The following TRMT44 variants were observed in gnomAD, a reference collection of about 807,000 sequenced individuals.
The protein encoded by TRMT44 is probable tRNA (uracil-O(2)-)-methyltransferase.
Under a neutral mutation model 77.3 loss-of-function variants are expected in TRMT44, and 78 were observed. The observed-to-expected ratio is 1.01, with a 90% confidence interval of 0.84 to 1.22. The LOEUF is 1.22. Ranked by LOEUF, TRMT44 falls within the 50% of genes most tolerant of loss-of-function variation. The pLI is 0.00. For missense variants in TRMT44, 1,090 were observed against 964.4 expected, an observed-to-expected ratio of 1.13 and a Z score of -1.73; for synonymous variants, 391 against 383.3, an observed-to-expected ratio of 1.02 and a Z score of -0.23.
intron 6 of TRMT44, among the ~76,000 whole-genome samples, chr4:8,455,954 TATGTCCTGA>T (rs1191881557): frequency 6.6e-6 from 1 of 152,216 alleles, no homozygotes; most frequent in Non-Finnish European, 1.5e-5. Context: ...AAAAGTTAGA[TATGTCCTGA>T]ATGCATTAAA....
At chr4:8,505,757 G>A in the TRMT44 span, among the ~76,000 whole-genome samples, 1 of 152,224 alleles carries the variant, frequency 6.6e-6, no homozygotes, top group Admixed American at 6.5e-5. Flanking sequence ...TAATCTGCAG[G>A]TGTTGAGGGA....
chr4:8,487,599 A>C (rs1024375593), intron 2 of TRMT44, among the ~76,000 whole-genome samples: 1 of 151,936 alleles, frequency 6.6e-6, no homozygotes, highest in African/African-American at 2.4e-5. Context: ...CATGGAAATA[A>C]GGGATTGGGG....
chr4:8,468,053 G>C lies in TRMT44; in HGVS notation c.1634G>C (p.Trp545Ser). Residue 545 changes from tryptophan to serine, a missense_variant, in exon 9 of 11, where the codon TGG (tryptophan) becomes TCG (serine). Transcript: ENST00000389737. ...TGGGAGCTTTCCCCTTCTCCACGCT[G>C]GGTTGCTGCTGGCAGTGCTGGTCAC... ...PGWELSPSPR[W>S]VAAGSAGHCD... 2 of 1,613,988 alleles carry C rather than the reference G, an allele frequency of 1.2e-6. No homozygotes were observed. Among genetic ancestry groups the C allele is most frequent in the African/African-American group, 2.7e-5 (2 of 75,062 alleles).
At chr4:8,445,760 C>CT (rs1391929945) in intron 1 of TRMT44, among the ~76,000 whole-genome samples, 1 of 152,212 alleles carries the variant, frequency 6.6e-6, no homozygotes, top group Non-Finnish European at 1.5e-5. Flanking sequence ...AGGTCTTGTT[C>CT]TTTCATCTGC....
At position 8,468,418 on chromosome 4, in the gene TRMT44, A is replaced by T. The variant is rs577491498; in HGVS notation, c.1927+72A>T. The T allele has an allele frequency of 1.3e-5, 19 of 1,463,466 alleles. No homozygotes were observed. In the East Asian group the frequency reaches 4.1e-4, roughly 31 times the overall value. 90.7% of individuals were successfully genotyped at this position (1,463,466 alleles called of 1,614,324 possible). On this transcript the variant is annotated intron_variant, in intron 9 of 10. Transcript: ENST00000389737. The stretch of plus-strand genomic sequence containing the variant: ...TGAGGGCAGGAATTCACGTCTTCAG[A>T]ACCGACATGAAATGGTGTGGCCCTG...
the TRMT44 span, among the ~76,000 whole-genome samples, chr4:8,506,123 T>C: frequency 6.6e-6 from 1 of 152,204 alleles, no homozygotes; most frequent in African/African-American, 2.4e-5. Flanking sequence ...GTGCTCCTGA[T>C]GAGGACATGG....
intron 6 of TRMT44, among the ~76,000 whole-genome samples, chr4:8,457,879 A>G (rs916893352): frequency 2.0e-5 from 3 of 152,226 alleles, no homozygotes; most frequent in African/African-American, 7.2e-5. Context: ...AAATCATGAA[A>G]GAGACTGTGG....
At chr4:8,497,964 G>A (rs62287436), downstream of TRMT44, among the ~76,000 whole-genome samples, 4,121 of 152,272 alleles carry the variant, frequency 0.027, 69 homozygotes, top group South Asian at 0.04. Flanking sequence ...AGCAGGAGCT[G>A]TGCCCTCTGC....
Position 8,440,948 on chromosome 4 carries a change from C to G in TRMT44, c.126C>G (p.Arg42=). The change falls in exon 1 of 11, where the codon CGC becomes CGG. Residue 42 remains arginine, a synonymous_variant. Transcript: ENST00000389737. ...CAAACAAACGGCTTTGCGGCGCCCGCCTGGAGGCCCGCTGGAGCGCCGCCC... is the reference window on the plus strand; with the variant it reads ...CAAACAAACGGCTTTGCGGCGCCCGGCTGGAGGCCCGCTGGAGCGCCGCCC... ...QVANKRLCGA[R]LEARWSAALP... is the part of the protein sequence containing the mutation. The G allele has an allele frequency of 6.5e-7, 1 of 1,529,414 alleles. No homozygotes were observed. Among genetic ancestry groups the G allele is most frequent in the South Asian group, 1.2e-5 (1 of 83,158 alleles). 94.7% of individuals were successfully genotyped at this position (1,529,414 alleles called of 1,614,324 possible).
In TRMT44 at chr4:8,470,898, G is replaced by A; in HGVS notation, c.1928-186G>A. On this transcript the variant is annotated intron_variant, in intron 9 of 10. Coordinates refer to ENST00000389737, the MANE Select transcript of TRMT44 (RefSeq NM_152544.3). ...CAGGCTGTGCCACCTTAGCTGGGTG[G>A]GGACGCCACGGCCCTCACGGTTTGG... The A allele has an allele frequency of 5.7e-6, 3 of 528,846 alleles. No individual in the cohort carries two copies. In the South Asian group the frequency reaches 7.9e-5, roughly 14 times the overall value. The allele number at this position is 528,846 out of a possible 1,614,324, so 32.8% of individuals were successfully genotyped here.
At chr4:8,479,719 G>T (rs935904054), downstream of TRMT44, among the ~76,000 whole-genome samples, 1 of 151,982 alleles carries the variant, frequency 6.6e-6, no homozygotes. Flanking sequence ...AACACACTTA[G>T]GCCACACTCA....
the TRMT44 span, among the ~76,000 whole-genome samples, chr4:8,506,659 G>T: frequency 7.2e-5 from 11 of 152,358 alleles, no homozygotes; most frequent in South Asian, 2.1e-3. Context: ...AGTGCTACGT[G>T]TGCACTTCTC....
chr4:8,502,196 A>G, the TRMT44 span, among the ~76,000 whole-genome samples: 1 of 152,236 alleles, frequency 6.6e-6, no homozygotes, highest in Non-Finnish European at 1.5e-5. Flanking sequence ...ATACTCTGCC[A>G]GGAATGACTC....
At chr4:8,465,029 A>T (rs1170993875) in intron 7 of TRMT44, among the ~76,000 whole-genome samples, 1 of 152,182 alleles carries the variant, frequency 6.6e-6, no homozygotes, top group Non-Finnish European at 1.5e-5. Flanking sequence ...ACACAGGGAC[A>T]TCAAGATGGC....
intron 8 of TRMT44, among the ~76,000 whole-genome samples, chr4:8,467,023 G>A (rs181489812): frequency 2.0e-4 from 30 of 152,312 alleles, no homozygotes; most frequent in African/African-American, 7.2e-4. Flanking sequence ...CAGAAATGAG[G>A]TGCCCTTGCT....
chr4:8,452,947 A>T lies in TRMT44; in HGVS notation c.1089A>T (p.Gly363=). 6.5e-7 allele frequency: 1 copy of T among 1,533,232 alleles called. No individual in the cohort carries two copies. The highest frequency in any genetic ancestry group is 1.2e-5 in the South Asian group (1 of 83,574). The allele number at this position is 1,533,232 out of a possible 1,614,324, so 95.0% of individuals were successfully genotyped here. Residue 363 remains glycine (G), a synonymous_variant, in exon 5 of 11, where the codon GGA becomes GGT. Transcript: ENST00000389737. This position sits in a 1 kb window ranked among gnomAD's most constrained non-coding sequence, Gnocchi z 5.7. ...LTARQSFVDL[G]CGNGLLVHIL... is the part of the protein sequence containing the mutation. ...CCAGGCAGTCCTTTGTGGACCTGGG[A>T]TGTGGAAATGGCCTCCTGGTCCACA...
downstream of TRMT44, chr4:8,478,957 G>A (rs1176165783): frequency 6.6e-6 from 1 of 152,226 alleles, no homozygotes. Flanking sequence ...GACTGGTGCT[G>A]GGGATTCAGA....
rs1307013728 is a variant in TRMT44 at position 8,450,325 on chromosome 4, G to A, written c.954+437G>A. Among the ~76,000 whole-genome samples, 4 of 151,674 alleles carry A rather than the reference G, an allele frequency of 2.6e-5. No homozygotes were observed. The East Asian group carries it at 7.7e-4, about 29-fold the overall frequency. On this transcript the variant is annotated intron_variant, in intron 3 of 10. Transcript: ENST00000389737. ...AGGCTGTACTTTGACATACTTAGGGGTGCACACAACAAAAACATAGACAGA... is the reference window on the plus strand; with the variant it reads ...AGGCTGTACTTTGACATACTTAGGGATGCACACAACAAAAACATAGACAGA...
chr4:8,468,798 G>T lies in TRMT44; in HGVS notation c.1927+452G>T, dbSNP rs1440043368. ...CATGGCAAAAGGAGAAAATTACATC[G>T]ATTGTTCTCATGGGGTGAGTGGTGT... is the stretch of plus-strand genomic sequence containing the variant. On this transcript the variant is annotated intron_variant, in intron 9 of 10. Coordinates refer to ENST00000389737, the MANE Select transcript of TRMT44 (RefSeq NM_152544.3). Among the ~76,000 whole-genome samples the T allele has an allele frequency of 2.0e-5, 3 of 152,306 alleles. No individual in the cohort carries two copies. The East Asian group carries it at 5.8e-4, about 29-fold the overall frequency.
Sources: allele counts gnomAD v4.1 joint callset (sites outside exome capture counted in the v4.1 genomes callset), GRCh38; gene constraint gnomAD v4.1.1; non-coding constraint Gnocchi (gnomAD v3.1); transcripts MANE v1.5; gene names NCBI Gene and HGNC (gene_info 2026-07-23, HGNC 2026-07-21).